Variants in FAM227B observed in about 807,000 individuals in gnomAD.
FAM227B encodes the protein protein FAM227B.
In FAM227B, 88 loss-of-function variants were observed where a neutral mutation model predicts 73.8. That is an observed-to-expected ratio of 1.19 (90% CI 1.00 to 1.42). FAM227B has a LOEUF of 1.42. FAM227B is among the 40% of genes most tolerant of loss of function. The pLI is 0.00. For missense variants in FAM227B, 632 were observed against 590.9 expected (o/e 1.07, Z -0.72); for synonymous variants, 210 against 190.5 (o/e 1.10, Z -0.84).
chr15:49,350,591 T>C (rs2042098144), intron 13 of FAM227B, among the ~76,000 whole-genome samples: 1 of 152,162 alleles, frequency 6.6e-6, no homozygotes, highest in African/African-American at 2.4e-5. Flanking sequence ...AAAACTGAGC[T>C]TAAAAGTAAG....
chr15:49,536,816 A>G (rs142170986), intron 10 of FAM227B, among the ~76,000 whole-genome samples: 272 of 152,146 alleles, frequency 1.8e-3, no homozygotes, highest in Non-Finnish European at 2.8e-3. Context: ...CACAATGAGG[A>G]AAAGATAGTT....
chr15:49,612,365 GT>G (rs2077995920), intron 2 of FAM227B, among the ~76,000 whole-genome samples: 1 of 152,070 alleles, frequency 6.6e-6, no homozygotes. Context: ...CCTTGCGATA[GT>G]TTGCTGAGAA....
chr15:49,332,376 A>G (rs2038954729), intron 14 of FAM227B, among the ~76,000 whole-genome samples: 1 of 152,208 alleles, frequency 6.6e-6, no homozygotes, highest in Non-Finnish European at 1.5e-5. Context: ...GAGATGGAAA[A>G]GGCCAGTGGG....
intron 5 of FAM227B, among the ~76,000 whole-genome samples, chr15:49,580,919 C>T (rs2075770515): frequency 6.6e-6 from 1 of 152,084 alleles, no homozygotes; most frequent in Non-Finnish European, 1.5e-5. Context: ...AGAAATAACT[C>T]AGTCACACAA....
intron 8 of FAM227B, among the ~76,000 whole-genome samples, chr15:49,571,903 T>C (rs909211764): frequency 6.6e-6 from 1 of 152,012 alleles, no homozygotes; most frequent in African/African-American, 2.4e-5. Flanking sequence ...TGGAATTTTG[T>C]TAGGGATTGC....
intron 14 of FAM227B, among the ~76,000 whole-genome samples, chr15:49,333,718 T>C (rs1883996605): frequency 6.6e-6 from 1 of 152,204 alleles, no homozygotes; most frequent in Admixed American, 6.5e-5. Context: ...CCTAGGGGGC[T>C]TGTCTGAAGG....
chr15:49,424,784 T>G, intron 11 of FAM227B: 2 of 410,808 alleles, frequency 4.9e-6, no homozygotes, highest in South Asian at 1.4e-4. Context: ...TACATTATAG[T>G]TGGACCTGAT....
At chr15:49,472,020 GAAA>G (rs35262082) in intron 11 of FAM227B, among the ~76,000 whole-genome samples, 32 of 144,166 alleles carry the variant, frequency 2.2e-4, no homozygotes, top group East Asian at 4.0e-4. Flanking sequence ...CTTTAGAAGT[GAAA>G]AAAAAAAAAA....
intron 10 of FAM227B, among the ~76,000 whole-genome samples, chr15:49,514,145 T>C (rs953688348): frequency 6.6e-6 from 1 of 152,160 alleles, no homozygotes; most frequent in Non-Finnish European, 1.5e-5. Context: ...ATGTCAATGG[T>C]AGTTTGATGG....
intron 11 of FAM227B, among the ~76,000 whole-genome samples, chr15:49,476,231 G>GTTTTTTTTTTTTTTTTTTTTTTTT (rs1567351795): frequency 3.4e-5 from 1 of 29,116 alleles, no homozygotes; most frequent in Non-Finnish European, 7.6e-5. Flanking sequence ...TTTTGTTTTT[G>GTTTTTTTTTTTTTTTTTTTTTTTT]GTTTTTTTTT....
chr15:49,424,738 C>A, intron 11 of FAM227B: 1 of 549,854 alleles, frequency 1.8e-6, no homozygotes. Flanking sequence ...TGAACTATGC[C>A]CCTAAAAATA....
intron 11 of FAM227B, among the ~76,000 whole-genome samples, chr15:49,476,663 C>T (rs1457078208): frequency 6.6e-6 from 1 of 152,106 alleles, no homozygotes; most frequent in East Asian, 1.9e-4. Context: ...AATGTCGGTA[C>T]AAATAGTTTC....
chr15:49,389,907 C>A (rs189942382), intron 11 of FAM227B, among the ~76,000 whole-genome samples: 1 of 151,988 alleles, frequency 6.6e-6, no homozygotes, highest in Non-Finnish European at 1.5e-5. Flanking sequence ...TGGTCAACAT[C>A]GTGCAATGTC....
chr15:49,334,252 GT>G, intron 14 of FAM227B: 1 of 984,280 alleles, frequency 1.0e-6, no homozygotes, highest in Non-Finnish European at 1.2e-6. Flanking sequence ...TCCTGCTGCT[GT>G]TTTAGAAGTT....
chr15:49,523,238 C>T (rs1306591851), intron 10 of FAM227B, among the ~76,000 whole-genome samples: 11 of 152,152 alleles, frequency 7.2e-5, no homozygotes, highest in African/African-American at 2.7e-4. Flanking sequence ...TGTCCCCACC[C>T]AAATCTCATC....
Position 49,412,457 on chromosome 15 carries a change from T to C in FAM227B, c.1013-41058A>G, listed in dbSNP as rs2048932483. Among the ~76,000 whole-genome samples the C allele has an allele frequency of 2.0e-5, 3 of 152,004 alleles. No homozygotes were observed. In the South Asian group the frequency reaches 6.2e-4, roughly 32 times the overall value. On this transcript the variant is annotated intron_variant, in intron 11 of 15. Coordinates refer to ENST00000299338, the MANE Select transcript of FAM227B (RefSeq NM_152647.3). Reference sequence around the variant, plus strand: ...TTTCAGGTAAAATAACCAGAGAGGGTACTAAGGATTAATTTTTTTCAAAAT... The same window carrying C: ...TTTCAGGTAAAATAACCAGAGAGGGCACTAAGGATTAATTTTTTTCAAAAT...
chr15:49,546,441 C>A (rs1468153822), intron 9 of FAM227B, among the ~76,000 whole-genome samples: 1 of 152,094 alleles, frequency 6.6e-6, no homozygotes, highest in Non-Finnish European at 1.5e-5. Context: ...GTCTTTATAG[C>A]AGCGTGATTT....
In FAM227B at chr15:49,433,548, A is replaced by G. The variant is rs551900163; in HGVS notation, c.1013-62149T>C. Among the ~76,000 whole-genome samples, 4 of 151,904 alleles carry G rather than the reference A, an allele frequency of 2.6e-5. No homozygotes were observed. The East Asian group carries it at 7.8e-4, about 30-fold the overall frequency. ...GAATTAAAAGCCTTGCTGAAATAAA[A>G]GAGAAATACACCTCACTTCCCTCTC... On this transcript the variant is annotated intron_variant, in intron 11 of 15. Coordinates refer to ENST00000299338, the MANE Select transcript of FAM227B (RefSeq NM_152647.3).
Position 49,353,244 on chromosome 15 carries a change from C to T in FAM227B, c.1271+14204G>A, listed in dbSNP as rs78049853. Among the ~76,000 whole-genome samples, 977 of 152,180 alleles carry T rather than the reference C, an allele frequency of 6.4e-3. 17 individuals carry two copies. The highest frequency in any genetic ancestry group is 0.023 in the African/African-American group (942 of 41,532). ...TGGAGAAGAGGCTCAAATTTGGGCT[C>T]AAATTAGAGTAAAATTTTTTCCTAT... On this transcript the variant is annotated intron_variant, in intron 13 of 15. Transcript: ENST00000299338.
Sources: allele counts gnomAD v4.1 joint callset (sites outside exome capture counted in the v4.1 genomes callset), GRCh38; gene constraint gnomAD v4.1.1; transcripts MANE v1.5; gene names NCBI Gene and HGNC (gene_info 2026-07-23, HGNC 2026-07-21).